Variants in TXNDC16 observed in about 807,000 individuals in gnomAD.
The protein encoded by TXNDC16 is thioredoxin domain containing 16.
In TXNDC16, 74 loss-of-function variants were observed where a neutral mutation model predicts 85.6. That is an observed-to-expected ratio of 0.86 (90% confidence interval 0.72 to 1.05). The LOEUF is 1.05. Among genes scored for constraint, TXNDC16 ranks in the 50% least tolerant of loss-of-function variants. TXNDC16 has a pLI of 0.00. For synonymous variants in TXNDC16, 335 were observed against 326.5 expected (o/e 1.03, Z -0.28); for missense variants, 959 against 947.0 (o/e 1.01, Z -0.17).
chr14:52,544,517 A>G (rs2037901034), intron 1 of TXNDC16, 146 bp from the exon 2 acceptor site: 1 of 152,108 alleles, frequency 6.6e-6, no homozygotes, highest in Non-Finnish European at 1.5e-5. Flanking sequence ...AAAATAGGCA[A>G]TAGGAAAAAA....
chr14:52,505,057 C>A (rs1014184597), intron 9 of TXNDC16, among the ~76,000 whole-genome samples: 1 of 152,098 alleles, frequency 6.6e-6, no homozygotes, highest in African/African-American at 2.4e-5. Context: ...ATAGGAGTAA[C>A]CAGATTCATA....
rs780958378 is a variant in TXNDC16 at position 52,470,617 on chromosome 14, T to C, written c.1376A>G (p.Gln459Arg). The C allele has an allele frequency of 2.5e-6, 4 of 1,614,080 alleles. No homozygotes were observed. The South Asian group carries it at 4.4e-5, about 18-fold the overall frequency. ...TATGATAGGAAATTCAGTAACATTT[T>C]GCTTAGTACATACATCAGACCAATC... The part of the protein sequence containing the change: ...CADWSDVCTK[Q>R]NVTEFPIIKM... The change falls in exon 15 of 21, where the codon CAA becomes CGA. Residue 459 changes from glutamine (Q) to arginine (R), a missense_variant. Gln to Arg is a conservative substitution (Grantham distance 43, BLOSUM62 1). Coordinates refer to ENST00000281741, the MANE Select transcript of TXNDC16 (RefSeq NM_020784.3).
In TXNDC16 at chr14:52,511,328, G is replaced by A. The variant is rs770249163; in HGVS notation, c.668C>T (p.Thr223Ile). 8.1e-6 allele frequency: 13 copies of A among 1,607,516 alleles called. No homozygotes were observed. The African/African-American group carries it at 1.7e-4, about 21-fold the overall frequency. ...FFHCKLVLDLTQQCRRTLMEQ... is the reference protein window; with the variant it reads ...FFHCKLVLDLIQQCRRTLMEQ... ...CATTAGTGTTCTTCTACATTGCTGGGTCAAGTCCAAGACTAGTTTACAATG... is the reference window on the plus strand; with the variant it reads ...CATTAGTGTTCTTCTACATTGCTGGATCAAGTCCAAGACTAGTTTACAATG... The change falls in exon 9 of 21, where the codon ACC (threonine) becomes ATC (isoleucine). Residue 223 changes from threonine (T) to isoleucine (I), a missense_variant. Thr to Ile is a moderately conservative substitution (Grantham distance 89, BLOSUM62 -1). Transcript: ENST00000281741.
rs758320759 is a variant in TXNDC16, at chr14:52,537,662, A to C, written c.254T>G (p.Val85Gly). 8.3e-5 allele frequency: 131 copies of C among 1,576,354 alleles called. No individual in the cohort carries two copies. In the East Asian group the frequency reaches 2.7e-3, roughly 33 times the overall value. The change falls in exon 5 of 21, where the codon GTC becomes GGC. Residue 85 changes from valine (V) to glycine (G), a missense_variant. Physicochemically the swap from Val to Gly is moderately radical, Grantham distance 109. Transcript: ENST00000281741. ...YGISVAKVNC[V>G]KEEISRYCGK... The stretch of plus-strand genomic sequence containing the variant: ...ACAGTATCTTGATATTTCTTCTTTG[A>C]CACAATTAACCTTTAAAAGAGTATA...
At chr14:52,500,511 T>C (rs892625530) in intron 9 of TXNDC16, among the ~76,000 whole-genome samples, 1 of 152,144 alleles carries the variant, frequency 6.6e-6, no homozygotes, top group Non-Finnish European at 1.5e-5. Context: ...AGTCGTGCAA[T>C]ATGACAAAGT....
chr14:52,522,103 G>A (rs1186524121), intron 6 of TXNDC16, among the ~76,000 whole-genome samples: 1 of 152,176 alleles, frequency 6.6e-6, no homozygotes, highest in Non-Finnish European at 1.5e-5. Flanking sequence ...CAGTTGGGAG[G>A]TACAATCTAG....
chr14:52,475,263 A>C (rs2035994850), intron 14 of TXNDC16, among the ~76,000 whole-genome samples: 1 of 152,166 alleles, frequency 6.6e-6, no homozygotes, highest in African/African-American at 2.4e-5. Context: ...GCCACAGAGA[A>C]AAGGAAACCT....
At chr14:52,539,262 T>G (rs944358399) in intron 4 of TXNDC16, among the ~76,000 whole-genome samples, 1 of 152,186 alleles carries the variant, frequency 6.6e-6, no homozygotes, top group African/African-American at 2.4e-5. Flanking sequence ...AAGTGACATT[T>G]GCACAAAGAA....
intron 18 of TXNDC16, among the ~76,000 whole-genome samples, chr14:52,443,680 T>C (rs1287327281): frequency 6.6e-6 from 1 of 152,226 alleles, no homozygotes; most frequent in Non-Finnish European, 1.5e-5. Flanking sequence ...TGAGACCAGA[T>C]GAGTAATGCC....
intron 12 of TXNDC16, among the ~76,000 whole-genome samples, chr14:52,487,478 G>A (rs1437508786): frequency 1.3e-5 from 2 of 152,044 alleles, no homozygotes; most frequent in Non-Finnish European, 2.9e-5. Flanking sequence ...CATAATCCTT[G>A]ATTTAGAAAT....
chr14:52,454,336 G>C (rs1412980928), intron 18 of TXNDC16, among the ~76,000 whole-genome samples: 1 of 150,914 alleles, frequency 6.6e-6, no homozygotes, highest in Non-Finnish European at 1.5e-5. Context: ...TGAAGCAAGA[G>C]AATCACTTGA....
At chr14:52,519,399 T>A in intron 6 of TXNDC16, 106 bp from the exon 7 acceptor site, 1 of 795,304 alleles carries the variant, frequency 1.3e-6, no homozygotes. Context: ...CTCCATTGAA[T>A]AAATTATCAG....
chr14:52,464,269 G>A (rs1479817233), intron 16 of TXNDC16, among the ~76,000 whole-genome samples: 1 of 152,038 alleles, frequency 6.6e-6, no homozygotes, highest in Admixed American at 6.6e-5. Flanking sequence ...GACGATAGAC[G>A]GCAAAAATTT....
At chr14:52,485,828 T>C (rs1458145915) in intron 12 of TXNDC16, among the ~76,000 whole-genome samples, 2 of 152,188 alleles carry the variant, frequency 1.3e-5, no homozygotes, top group Admixed American at 1.3e-4. Context: ...AATCACCTAA[T>C]GATGCATTTC....
chr14:52,448,175 T>C (rs893553295), intron 18 of TXNDC16, among the ~76,000 whole-genome samples: 13 of 151,606 alleles, frequency 8.6e-5, no homozygotes, highest in African/African-American at 3.2e-4. Flanking sequence ...GAAAAAGATA[T>C]CAATATCCAA....
chr14:52,445,842 A>G (rs1319775821), intron 18 of TXNDC16, among the ~76,000 whole-genome samples: 1 of 152,244 alleles, frequency 6.6e-6, no homozygotes, highest in African/African-American at 2.4e-5. Context: ...TTCTGTAAGT[A>G]CACTCTATAT....
At chr14:52,476,416 T>A (rs1165728239) in intron 14 of TXNDC16, among the ~76,000 whole-genome samples, 2 of 151,650 alleles carry the variant, frequency 1.3e-5, no homozygotes, top group African/African-American at 4.9e-5. Context: ...CAAAGCCCAA[T>A]GTAAGGAAAC....
At chr14:52,479,339 A>C (rs1049841533) in intron 14 of TXNDC16, among the ~76,000 whole-genome samples, 4 of 152,148 alleles carry the variant, frequency 2.6e-5, no homozygotes, top group Admixed American at 1.3e-4. Context: ...GAAAGAAATA[A>C]AGGCATCCAA....
chr14:52,518,916 A>G (rs1234471559), intron 7 of TXNDC16, among the ~76,000 whole-genome samples: 2 of 152,092 alleles, frequency 1.3e-5, no homozygotes, highest in Non-Finnish European at 2.9e-5. Flanking sequence ...CATCTTAATC[A>G]CTAGGAAACT....
Sources: allele counts gnomAD v4.1 joint callset (sites outside exome capture counted in the v4.1 genomes callset), GRCh38; gene constraint gnomAD v4.1.1; transcripts MANE v1.5; gene names NCBI Gene and HGNC (gene_info 2026-07-23, HGNC 2026-07-21).